N4BP2L2: variants seen among roughly 807,000 people sequenced by gnomAD.
N4BP2L2 encodes NEDD4-binding protein 2-like 2.
Under a neutral mutation model 56.2 loss-of-function variants are expected in N4BP2L2, and 50 were observed. That is an observed-to-expected ratio of 0.89 (90% CI 0.71 to 1.13). The LOEUF is 1.13. Among genes scored for constraint, N4BP2L2 ranks in the 50% most tolerant of loss-of-function variants. The pLI is 0.00. For synonymous variants in N4BP2L2, 203 were observed against 223.6 expected, an observed-to-expected ratio of 0.91 and a Z score of 0.82; for missense variants, 689 against 693.8, an observed-to-expected ratio of 0.99 and a Z score of 0.08.
chr13:32,530,190 A>C (rs1195968489), intron 2 of N4BP2L2, among the ~76,000 whole-genome samples: 1 of 152,208 alleles, frequency 6.6e-6, no homozygotes, highest in Non-Finnish European at 1.5e-5. Flanking sequence ...TCTATAAAGA[A>C]CATTTTCTTA....
At chr13:32,437,511 C>A (rs2075663406) in intron 8 of N4BP2L2, among the ~76,000 whole-genome samples, 1 of 152,164 alleles carries the variant, frequency 6.6e-6, no homozygotes, top group African/African-American at 2.4e-5. Flanking sequence ...CCCCAGCCAC[C>A]CCCACTAGGT....
intron 6 of N4BP2L2, among the ~76,000 whole-genome samples, chr13:32,452,340 C>T (rs1320098693): frequency 2.6e-5 from 4 of 152,136 alleles, no homozygotes; most frequent in African/African-American, 4.8e-5. Context: ...GGAATACAGG[C>T]GTGAGCCACT....
At position 32,472,462 on chromosome 13, in the gene N4BP2L2, CT is replaced by C. The variant is rs1228602925; in HGVS notation, c.366-28337del. ...CACTGGTAAGCATGAAGAACAGTTT[CT>C]TTTTTTTCCCCTCACACTCAAGGGA... On this transcript the variant is annotated intron_variant, in intron 6 of 9. Coordinates refer to the N4BP2L2 transcript ENST00000357505. Among the ~76,000 whole-genome samples the C allele has an allele frequency of 3.9e-5, 6 of 152,012 alleles. 1 individual carries two copies. Among genetic ancestry groups the C allele is most frequent in the African/African-American group, 1.5e-4 (6 of 41,378 alleles).
chr13:32,459,482 T>G (rs1227120221), intron 6 of N4BP2L2, among the ~76,000 whole-genome samples: 1 of 150,618 alleles, frequency 6.6e-6, no homozygotes, highest in African/African-American at 2.5e-5. Flanking sequence ...AAGATCATCA[T>G]AGACTGTTAT....
At chr13:32,503,458 A>G (rs528251340) in intron 6 of N4BP2L2, among the ~76,000 whole-genome samples, 1 of 152,180 alleles carries the variant, frequency 6.6e-6, no homozygotes, top group Non-Finnish European at 1.5e-5. Context: ...CATATTCTAC[A>G]GAAGAGCCAT....
chr13:32,505,609 C>CAAGTTCATCACTTTGT (rs1229638205), downstream of N4BP2L2: 1 of 152,210 alleles, frequency 6.6e-6, no homozygotes, highest in Non-Finnish European at 1.5e-5. Context: ...GCTAAACATT[C>CAAGTTCATCACTTTGT]AAGTTCATCA....
chr13:32,538,790 G>A (rs1668414597), upstream of N4BP2L2: 22 of 985,472 alleles, frequency 2.2e-5, no homozygotes, highest in Non-Finnish European at 2.7e-5. Flanking sequence ...CCGTACGCAA[G>A]ATGGCGGTCA....
intron 6 of N4BP2L2, among the ~76,000 whole-genome samples, chr13:32,475,153 T>C (rs1388421113): frequency 1.3e-5 from 2 of 152,218 alleles, no homozygotes; most frequent in Non-Finnish European, 2.9e-5. Flanking sequence ...CAGTCTGTTC[T>C]TGCCCAGGTC....
chr13:32,516,871 A>G (rs2049345235), exon 6 of N4BP2L2: 100 of 983,712 alleles, frequency 1.0e-4, no homozygotes, highest in Non-Finnish European at 1.2e-4. Flanking sequence ...AAGGCAGGGG[A>G]TGAATGACAA....
At chr13:32,526,370 T>A (rs118099869) in intron 3 of N4BP2L2, among the ~76,000 whole-genome samples, 17 of 152,342 alleles carry the variant, frequency 1.1e-4, no homozygotes, top group Non-Finnish European at 2.2e-4. Context: ...TTACATGATC[T>A]GAAGGAACTG....
At chr13:32,462,214 G>A (rs1339554704) in intron 6 of N4BP2L2, among the ~76,000 whole-genome samples, 1 of 152,070 alleles carries the variant, frequency 6.6e-6, no homozygotes, top group East Asian at 1.9e-4. Flanking sequence ...ATGGATGGGT[G>A]GATACAGAAA....
At chr13:32,458,770 T>C (rs1566056749) in intron 6 of N4BP2L2, among the ~76,000 whole-genome samples, 1 of 152,208 alleles carries the variant, frequency 6.6e-6, no homozygotes, top group African/African-American at 2.4e-5. Flanking sequence ...AGATTTAAAC[T>C]GCACTTTAGA....
chr13:32,498,876 G>A (rs1202281448), intron 6 of N4BP2L2, among the ~76,000 whole-genome samples: 1 of 149,654 alleles, frequency 6.7e-6, no homozygotes, highest in Non-Finnish European at 1.5e-5. Context: ...CACACCTGCA[G>A]TCCCAGCTAC....
exon 6 of N4BP2L2, chr13:32,516,414 A>C (rs1057015020): frequency 6.6e-6 from 1 of 152,238 alleles, no homozygotes; most frequent in African/African-American, 2.4e-5. Flanking sequence ...AATAGTACAA[A>C]TAAAATCATA....
chr13:32,432,675 T>C (rs1341276288), exon 10 of N4BP2L2: 1 of 152,192 alleles, frequency 6.6e-6, no homozygotes, highest in Non-Finnish European at 1.5e-5. Context: ...AACCTTTTAA[T>C]CCTAATGCAG....
At chr13:32,504,057 C>A (rs1172649151) in intron 6 of N4BP2L2, among the ~76,000 whole-genome samples, 1 of 152,104 alleles carries the variant, frequency 6.6e-6, no homozygotes, top group Non-Finnish European at 1.5e-5. Flanking sequence ...CTGGGGTCCC[C>A]TGATGTATGT....
chr13:32,507,841 G>A (rs1291847380), downstream of N4BP2L2: 1 of 152,130 alleles, frequency 6.6e-6, no homozygotes, highest in Non-Finnish European at 1.5e-5. Flanking sequence ...CTGCTCTGTG[G>A]ATAAAATTGT....
chr13:32,530,239 GA>G (rs1401443600), intron 2 of N4BP2L2, among the ~76,000 whole-genome samples: 1 of 151,908 alleles, frequency 6.6e-6, no homozygotes, highest in Non-Finnish European at 1.5e-5. Context: ...AGTTTAACTT[GA>G]AAAGACTTTT....
chr13:32,538,660 C>T, exon 1 of N4BP2L2: 4 of 985,514 alleles, frequency 4.1e-6, no homozygotes, highest in African/African-American at 1.7e-5. Context: ...CCCAATAAAA[C>T]CTTCTTTTAG....
Sources: gnomAD v4.1 joint callset for allele counts (sites outside exome capture counted in the v4.1 genomes callset) on GRCh38, gnomAD v4.1.1 for gene constraint, MANE v1.5 for transcripts, NCBI Gene and HGNC (gene_info 2026-07-23, HGNC 2026-07-21) for gene names.